TAF4: variants seen among roughly 807,000 people sequenced by gnomAD.
The protein encoded by TAF4 is transcription initiation factor TFIID subunit 4.
In TAF4, 9 loss-of-function variants were observed where a neutral mutation model predicts 90.3. The observed-to-expected ratio is 0.10, with a 90% CI of 0.06 to 0.17. The LOEUF is 0.17. TAF4 is among the 10% of genes least tolerant of loss of function. TAF4 has a pLI of 1.00. For synonymous variants in TAF4, 818 were observed against 638.9 expected, an observed-to-expected ratio of 1.28 and a Z score of -4.23; for missense variants, 1,351 against 1,370.7, an observed-to-expected ratio of 0.99 and a Z score of 0.23.
chr20:62,057,012 C>A (rs1225078690), intron 1 of TAF4, among the ~76,000 whole-genome samples: 1 of 152,202 alleles, frequency 6.6e-6, no homozygotes, highest in African/African-American at 2.4e-5. Flanking sequence ...GAGCACCGTG[C>A]GTGGCTCCTA....
At chr20:62,039,859 G>A (rs536315404) in intron 1 of TAF4, among the ~76,000 whole-genome samples, 27 of 152,142 alleles carry the variant, frequency 1.8e-4, no homozygotes, top group African/African-American at 4.1e-4. Flanking sequence ...GACACCTCCC[G>A]AAAGAAGATA....
Position 62,009,038 on chromosome 20 carries a change from T to G in TAF4, c.1884+14A>C, listed in dbSNP as rs1049888543. The G allele has an allele frequency of 5.6e-6, 9 of 1,609,244 alleles. No individual in the cohort carries two copies. The highest frequency in any genetic ancestry group is 7.6e-6 in the Non-Finnish European group (9 of 1,178,470). Reference sequence around the variant, plus strand: ...GCTTTAGGGGAAAGGGAATGTAAAGTCAAGGTTTCTCACCAGTAAATTCTG... The same window carrying G: ...GCTTTAGGGGAAAGGGAATGTAAAGGCAAGGTTTCTCACCAGTAAATTCTG... On this transcript the variant is annotated intron_variant, in intron 5 of 14. Transcript: ENST00000252996.
chr20:62,050,659 C>T (rs1019242381), intron 1 of TAF4, among the ~76,000 whole-genome samples: 5 of 152,186 alleles, frequency 3.3e-5, no homozygotes, highest in Non-Finnish European at 5.9e-5. Flanking sequence ...CACAGGGCTC[C>T]GGAACAGCAG....
chr20:61,977,649 T>C (rs2055504255), intron 14 of TAF4, among the ~76,000 whole-genome samples: 1 of 152,166 alleles, frequency 6.6e-6, no homozygotes. Flanking sequence ...CTGTCTCCGT[T>C]CAGACGCCCT....
rs752352396 is a variant in TAF4 at position 61,999,037 on chromosome 20, G to T, written c.2859C>A (p.Ile953=). 6.2e-7 allele frequency: 1 copy of T among 1,614,064 alleles called. No individual in the cohort carries two copies. Among genetic ancestry groups the T allele is most frequent in the Middle Eastern group, 1.6e-4 (1 of 6,062 alleles). The change falls in exon 12 of 15, where the codon ATC becomes ATA. Residue 953 remains isoleucine, a synonymous_variant. Transcript: ENST00000252996. ...QLKFFEQLDQ[I]EKQRKDEQER... Reference sequence around the variant, plus strand: ...CCTGCTCATCCTTCCTCTGCTTTTCGATTTGATCAAGCTGTTCAAAAAACT... The same window carrying T: ...CCTGCTCATCCTTCCTCTGCTTTTCTATTTGATCAAGCTGTTCAAAAAACT...
At position 62,014,739 on chromosome 20, in the gene TAF4, G is replaced by A. The variant is rs371600866; in HGVS notation, c.1361-32C>T. 35 of 1,609,714 alleles carry A rather than the reference G, an allele frequency of 2.2e-5. No individual in the cohort carries two copies. In the African/African-American group the frequency reaches 3.6e-4, roughly 17 times the overall value. ...ACAAAGGAGACCTGGCGTCAGGAACGCAACCACCCCAGAGCCATGAGGAGG... is the reference window on the plus strand; with the variant it reads ...ACAAAGGAGACCTGGCGTCAGGAACACAACCACCCCAGAGCCATGAGGAGG... On this transcript the variant is annotated intron_variant, in intron 1 of 14. Transcript: ENST00000252996.
At chr20:62,003,602 G>T in intron 8 of TAF4, 129 bp downstream of exon 8, 1 of 1,061,448 alleles carries the variant, frequency 9.4e-7, no homozygotes, top group South Asian at 1.7e-5. Context: ...CAGTGCCACT[G>T]AACTAGATAC....
rs561202308 is a variant in TAF4 at position 62,046,455 on chromosome 20, C to T, written c.1360+17996G>A. On this transcript the variant is annotated intron_variant, in intron 1 of 14. Coordinates refer to ENST00000252996, the MANE Select transcript of TAF4 (RefSeq NM_003185.4). The stretch of plus-strand genomic sequence containing the variant: ...CATACAAATGAAATTGTGCGATAGG[C>T]GGTCTTTCCCTCCCGGCTTCTTGCA... Among the ~76,000 whole-genome samples the T allele has an allele frequency of 2.6e-5, 4 of 152,334 alleles. No individual in the cohort carries two copies. In the East Asian group the frequency reaches 5.8e-4, roughly 22 times the overall value.
intron 1 of TAF4, 84 bp from the exon 2 acceptor site, chr20:62,014,791 C>G: frequency 3.9e-6 from 6 of 1,539,414 alleles, no homozygotes; most frequent in Non-Finnish European, 5.2e-6. Flanking sequence ...GGGAAGCTGA[C>G]AGCTGTGAGA....
rs536326233 is a variant in TAF4, at chr20:62,019,950, C to A, written c.1361-5243G>T. ...GGCCGCCCCGCACTCTCAGCACAAA[C>A]CCCGGCCCTGGGCCTGGGGCTGTGG... On this transcript the variant is annotated intron_variant, in intron 1 of 14. Transcript: ENST00000252996. 5.3e-5 allele frequency among the ~76,000 whole-genome samples: 8 copies of A among 152,340 alleles called. No homozygotes were observed. The South Asian group carries it at 1.4e-3, about 28-fold the overall frequency.
At chr20:62,009,915 T>C (rs2055768525) in intron 4 of TAF4, 131 bp downstream of exon 4, 1 of 1,437,636 alleles carries the variant, frequency 7.0e-7, no homozygotes, top group Non-Finnish European at 9.4e-7. Flanking sequence ...GGCCCCAGAC[T>C]GTTCACTGCT....
At chr20:61,985,162 G>A (rs1655141223) in intron 14 of TAF4, among the ~76,000 whole-genome samples, 2 of 151,896 alleles carry the variant, frequency 1.3e-5, no homozygotes, top group South Asian at 2.1e-4. Flanking sequence ...ACCAAGATTT[G>A]GAGGAAACCA....
At chr20:62,018,000 C>T (rs1003497413) in intron 1 of TAF4, among the ~76,000 whole-genome samples, 1 of 151,538 alleles carries the variant, frequency 6.6e-6, no homozygotes, top group African/African-American at 2.4e-5. Flanking sequence ...GAAAATGTGC[C>T]CTGTGGTCGG....
chr20:62,024,477 G>A (rs1224404316), intron 1 of TAF4, among the ~76,000 whole-genome samples: 1 of 152,254 alleles, frequency 6.6e-6, no homozygotes, highest in Non-Finnish European at 1.5e-5. Context: ...GCTAGAGAAT[G>A]AGAAGACAAG....
At chr20:61,982,522 C>T (rs1568920858) in intron 14 of TAF4, among the ~76,000 whole-genome samples, 1 of 149,854 alleles carries the variant, frequency 6.7e-6, no homozygotes, top group Admixed American at 6.6e-5. Flanking sequence ...AACACCAAAC[C>T]CACATCCACC....
chr20:62,033,046 C>T (rs143547440), intron 1 of TAF4, among the ~76,000 whole-genome samples: 34 of 152,068 alleles, frequency 2.2e-4, no homozygotes, highest in African/African-American at 7.7e-4. Flanking sequence ...GCTGTCTGGA[C>T]GTGGTGAGAG....
chr20:61,996,214 A>T (rs1230376739), intron 14 of TAF4, among the ~76,000 whole-genome samples: 1 of 152,120 alleles, frequency 6.6e-6, no homozygotes, highest in Non-Finnish European at 1.5e-5. Context: ...TCTCTACGAA[A>T]AAAAAAGAAA....
At chr20:62,038,976 C>G (rs941590492) in intron 1 of TAF4, among the ~76,000 whole-genome samples, 4 of 152,160 alleles carry the variant, frequency 2.6e-5, no homozygotes, top group Non-Finnish European at 5.9e-5. Context: ...TCACTTGAAC[C>G]CGGGAGTCGG....
chr20:62,057,539 A>G (rs1405963385), intron 1 of TAF4, among the ~76,000 whole-genome samples: 2 of 152,242 alleles, frequency 1.3e-5, no homozygotes, highest in African/African-American at 2.4e-5. Context: ...TGAGATCAAG[A>G]TGCCACGTGT....
Sources: allele counts gnomAD v4.1 joint callset (sites outside exome capture counted in the v4.1 genomes callset), GRCh38; gene constraint gnomAD v4.1.1; transcripts MANE v1.5; gene names NCBI Gene and HGNC (gene_info 2026-07-23, HGNC 2026-07-21).